The following DOCK8 variants were observed in gnomAD, a reference collection of about 807,000 sequenced individuals.
DOCK8 encodes dedicator of cytokinesis 8.
In DOCK8, 141 loss-of-function variants were observed where a neutral mutation model predicts 245.6. That is an observed-to-expected ratio of 0.57 (90% confidence interval 0.50 to 0.66). DOCK8 has a LOEUF of 0.66. Ranked by LOEUF, DOCK8 falls within the 30% of genes least tolerant of loss-of-function variation. The pLI is 0.00. For missense variants in DOCK8, 2,965 were observed against 2,603.4 expected, an observed-to-expected ratio of 1.14 and a Z score of -3.02; for synonymous variants, 1,168 against 970.2, an observed-to-expected ratio of 1.20 and a Z score of -3.79.
intron 2 of DOCK8, among the ~76,000 whole-genome samples, chr9:285,502 A>C (rs2048784551): frequency 1.3e-5 from 2 of 152,146 alleles, no homozygotes. Context: ...ATGACTCCAA[A>C]GACTGCCATA....
intron 14 of DOCK8, among the ~76,000 whole-genome samples, chr9:351,821 A>T (rs889084958): frequency 6.6e-6 from 1 of 152,246 alleles, no homozygotes; most frequent in African/African-American, 2.4e-5. Context: ...CTCTCTAGCA[A>T]TAGCCAGTGG....
At chr9:245,996 G>C in intron 1 of DOCK8, among the ~76,000 whole-genome samples, 1 of 152,134 alleles carries the variant, frequency 6.6e-6, no homozygotes. Flanking sequence ...AAGGAGGGTG[G>C]ATTGCCTGAG....
chr9:276,026 G>A (rs1317374981), intron 2 of DOCK8, among the ~76,000 whole-genome samples: 1 of 152,016 alleles, frequency 6.6e-6, no homozygotes, highest in African/African-American at 2.4e-5. Context: ...GAGTAGCTGG[G>A]ATTACAGGCA....
In DOCK8 at chr9:354,724, A is replaced by G. The variant is rs376742178; in HGVS notation, c.1680-13294A>G. ...GTTAGGCTGAGGGCGTCGGTTCCTC[A>G]CTAAGCCAGAGGCTTCCTTAAGTTC... On this transcript the variant is annotated intron_variant, in intron 14 of 47. Transcript: ENST00000432829. 4.6e-5 allele frequency among the ~76,000 whole-genome samples: 7 copies of G among 152,272 alleles called. No homozygotes were observed. In the South Asian group the frequency reaches 1.5e-3, roughly 32 times the overall value.
chr9:397,058 A>G, intron 25 of DOCK8, 124 bp downstream of exon 25: 2 of 1,167,290 alleles, frequency 1.7e-6, no homozygotes, highest in Non-Finnish European at 2.5e-6. Flanking sequence ...TGACAGTTAA[A>G]CGCAGTATGT....
At chr9:245,680 G>A (rs1039024189) in intron 1 of DOCK8, among the ~76,000 whole-genome samples, 4 of 152,186 alleles carry the variant, frequency 2.6e-5, no homozygotes, top group Non-Finnish European at 5.9e-5. Context: ...ATGTGCTCTA[G>A]TGCTGTGAAT....
chr9:298,802 AT>A (rs1320378922), intron 4 of DOCK8, among the ~76,000 whole-genome samples: 7 of 151,954 alleles, frequency 4.6e-5, no homozygotes, highest in Non-Finnish European at 1.0e-4. Context: ...CTGCTTCCTA[AT>A]TTTTATTTCT....
intron 1 of DOCK8, among the ~76,000 whole-genome samples, chr9:264,367 A>G (rs145033380): frequency 2.6e-5 from 4 of 152,314 alleles, no homozygotes; most frequent in African/African-American, 7.2e-5. Flanking sequence ...GATTTGGGAC[A>G]CCCCTGTGAG....
chr9:355,459 C>G (rs906800819), intron 14 of DOCK8, among the ~76,000 whole-genome samples: 6 of 152,000 alleles, frequency 3.9e-5, no homozygotes, highest in African/African-American at 1.4e-4. Flanking sequence ...ACCTTGGCCT[C>G]CCAAAGTGCT....
intron 11 of DOCK8, among the ~76,000 whole-genome samples, chr9:335,598 T>G (rs2051272132): frequency 6.6e-6 from 1 of 152,128 alleles, no homozygotes; most frequent in East Asian, 1.9e-4. Context: ...CTTTCTTTAA[T>G]GCCGTCTATG....
At position 368,164 on chromosome 9, in the gene DOCK8, A is replaced by G. The variant is rs141335439; in HGVS notation, c.1797+29A>G. ...AGGAGGGAAACGAACATTTGCCTCA[A>G]ATCAGGGTGGGCTGCTCACCCCTGT... On this transcript the variant is annotated intron_variant, in intron 15 of 47. Transcript: ENST00000432829. 1,000 of 1,586,416 alleles carry G rather than the reference A, an allele frequency of 6.3e-4. 4 individuals carry two copies. The African/African-American group carries it at 0.011, about 18-fold the overall frequency.
At chr9:244,290 A>G (rs1269637145) in intron 1 of DOCK8, among the ~76,000 whole-genome samples, 4 of 151,744 alleles carry the variant, frequency 2.6e-5, no homozygotes, top group African/African-American at 9.7e-5. Flanking sequence ...ACACACACAC[A>G]CACGCACACA....
intron 24 of DOCK8, 138 bp from the exon 25 acceptor site, chr9:396,647 C>A: frequency 8.2e-7 from 1 of 1,212,900 alleles, no homozygotes; most frequent in Non-Finnish European, 1.2e-6. Context: ...CCAGAGCTTG[C>A]TCGGGCACCA....
intron 1 of DOCK8, among the ~76,000 whole-genome samples, chr9:234,800 A>AT (rs200360983): frequency 0.13 from 19,892 of 148,894 alleles, 1,711 homozygotes; most frequent in East Asian, 0.41. Context: ...CCATTCGTCT[A>AT]TTTTTTTTTC....
intron 27 of DOCK8, among the ~76,000 whole-genome samples, chr9:405,744 G>T (rs1238304281): frequency 6.6e-6 from 1 of 152,068 alleles, no homozygotes; most frequent in Non-Finnish European, 1.5e-5. Flanking sequence ...CTTGATACTA[G>T]TACAAAAGTG....
intron 1 of DOCK8, among the ~76,000 whole-genome samples, chr9:265,477 T>C (rs143432155): frequency 4.4e-4 from 67 of 152,338 alleles, no homozygotes; most frequent in African/African-American, 1.6e-3. Flanking sequence ...TTTTGGAGTG[T>C]TTTACAGTCG....
chr9:407,104 C>T (rs756513325), intron 28 of DOCK8, 35 bp downstream of exon 28: 20 of 1,613,104 alleles, frequency 1.2e-5, no homozygotes, highest in Middle Eastern at 3.3e-4. Flanking sequence ...AAGATGAAGC[C>T]AAAAAAACAG....
intron 10 of DOCK8, 46 bp downstream of exon 10, chr9:332,524 C>T (rs1404626600): frequency 2.9e-6 from 4 of 1,383,204 alleles, no homozygotes; most frequent in South Asian, 1.2e-5. Flanking sequence ...TTAGAAGAAG[C>T]AGGTATTTTC....
intron 1 of DOCK8, among the ~76,000 whole-genome samples, chr9:267,718 C>A (rs57651039): frequency 4.6e-5 from 7 of 152,206 alleles, no homozygotes; most frequent in Non-Finnish European, 1.0e-4. Context: ...CATGGGTCAA[C>A]CTAATTTATA....
Sources: gnomAD v4.1 joint callset for allele counts (sites outside exome capture counted in the v4.1 genomes callset) on GRCh38, gnomAD v4.1.1 for gene constraint, MANE v1.5 for transcripts, NCBI Gene and HGNC (gene_info 2026-07-23, HGNC 2026-07-21) for gene names.